Variants in PARD3B observed in about 807,000 individuals in gnomAD.
PARD3B encodes par-3 family cell polarity regulator beta.
A neutral mutation model predicts 130.2 loss-of-function variants in PARD3B; 103 were observed. The ratio of observed to expected loss-of-function variants is 0.79; its 90% CI spans 0.67 to 0.93. The LOEUF (loss-of-function observed/expected upper bound fraction) is 0.93, where lower values mean the gene tolerates loss of function less well. Among genes scored for constraint, PARD3B ranks in the 40% least tolerant of loss-of-function variants. The pLI is 0.00. For missense variants in PARD3B, 1,609 were observed against 1,499.2 expected (o/e 1.07, Z -1.21); for synonymous variants, 583 against 553.2 (o/e 1.05, Z -0.76).
At chr2:205,403,898 T>C (rs1279728591) in intron 19 of PARD3B, among the ~76,000 whole-genome samples, 4 of 152,216 alleles carry the variant, frequency 2.6e-5, no homozygotes, top group Admixed American at 6.5e-5. Context: ...AAATATCTTT[T>C]CTTACTGGTA....
In PARD3B at chr2:205,537,892, G is replaced by A. The variant is rs2051935436; in HGVS notation, c.3181-15432G>A. 2.0e-5 allele frequency among the ~76,000 whole-genome samples: 3 copies of A among 152,196 alleles called. 1 individual carries two copies. The South Asian group carries it at 6.2e-4, about 31-fold the overall frequency. On this transcript the variant is annotated intron_variant, in intron 21 of 22. Transcript: ENST00000406610. ...AGAATTAATGTTGCCACATGAATTA[G>A]AGCATTGCATTCAGTTGCTAATAGC...
chr2:204,748,758 T>A (rs959433861), intron 2 of PARD3B, among the ~76,000 whole-genome samples: 1 of 152,276 alleles, frequency 6.6e-6, no homozygotes, highest in African/African-American at 2.4e-5. Context: ...TGAGAACCAC[T>A]GCTGTACAAA....
At position 204,882,206 on chromosome 2, in the gene PARD3B, A is replaced by T. The variant is rs559037625; in HGVS notation, c.223-82946A>T. On this transcript the variant is annotated intron_variant, in intron 2 of 22. Transcript: ENST00000406610. ...AAAAGCAATTTTCTAAATTCCCCAT[A>T]TTTAAAAATCTGTACCATTTCTCTG... 5.9e-5 allele frequency among the ~76,000 whole-genome samples: 9 copies of T among 152,322 alleles called. No individual in the cohort carries two copies. In the South Asian group the frequency reaches 1.9e-3, roughly 32 times the overall value.
chr2:204,592,356 T>C (rs2033113604), intron 1 of PARD3B, among the ~76,000 whole-genome samples: 1 of 152,194 alleles, frequency 6.6e-6, no homozygotes, highest in African/African-American at 2.4e-5. Context: ...TGTAAAGAGA[T>C]TATTTTGGTA....
chr2:205,533,181 G>A (rs2051680242), intron 21 of PARD3B, among the ~76,000 whole-genome samples: 1 of 151,406 alleles, frequency 6.6e-6, no homozygotes, highest in Non-Finnish European at 1.5e-5. Context: ...TCTTTAAGAT[G>A]TGGATGTTTT....
At chr2:205,157,253 G>C (rs1426938768) in intron 10 of PARD3B, among the ~76,000 whole-genome samples, 1 of 152,168 alleles carries the variant, frequency 6.6e-6, no homozygotes, top group African/African-American at 2.4e-5. Context: ...AAGGCTAATA[G>C]TTTACATTTA....
chr2:205,045,084 T>A (rs1042504940), intron 3 of PARD3B, among the ~76,000 whole-genome samples: 1 of 151,170 alleles, frequency 6.6e-6, no homozygotes, highest in Non-Finnish European at 1.5e-5. Flanking sequence ...ATTCCTGATA[T>A]GTTTAAGAAA....
At chr2:205,188,746 G>T (rs1486243480) in intron 14 of PARD3B, among the ~76,000 whole-genome samples, 1 of 146,516 alleles carries the variant, frequency 6.8e-6, no homozygotes. Flanking sequence ...GGAGCCAGGA[G>T]GATTGAGCAA....
chr2:204,598,386 A>C (rs1002904232), intron 1 of PARD3B, among the ~76,000 whole-genome samples: 7 of 152,130 alleles, frequency 4.6e-5, no homozygotes, highest in Admixed American at 1.3e-4. Flanking sequence ...TATCCTTTAG[A>C]ACTCAAGACT....
Position 205,568,743 on chromosome 2 carries a change from G to T in PARD3B, c.3260+15340G>T, listed in dbSNP as rs577512674. On this transcript the variant is annotated intron_variant, in intron 22 of 22. Transcript: ENST00000406610. The surrounding 1 kb of genome is among the most constrained non-coding windows in gnomAD (Gnocchi z 5.3). The stretch of plus-strand genomic sequence containing the variant: ...ACTCAGGGATTCGTCAGATGGCCCT[G>T]GTCGTGTGTCTTCCATGGTCTCCAC... Among the ~76,000 whole-genome samples, 1 of 152,268 alleles carries T rather than the reference G, an allele frequency of 6.6e-6. No individual in the cohort carries two copies. Among genetic ancestry groups the T allele is most frequent in the Non-Finnish European group, 1.5e-5 (1 of 68,022 alleles).
chr2:204,814,418 TA>T lies in PARD3B; in HGVS notation c.222+128139del, dbSNP rs545119090. On this transcript the variant is annotated intron_variant, in intron 2 of 22. Coordinates refer to ENST00000406610, the MANE Select transcript of PARD3B (RefSeq NM_001302769.2). ...ACAAAAACTCTTATAATCTATAACA[TA>T]AACTGTAGGATATATATTAAAATGT... is the stretch of plus-strand genomic sequence containing the variant. 4.3e-3 allele frequency among the ~76,000 whole-genome samples: 655 copies of T among 151,900 alleles called. 4 individuals are homozygous for T. Among genetic ancestry groups the T allele is most frequent in the African/African-American group, 0.015 (627 of 41,532 alleles).
intron 4 of PARD3B, among the ~76,000 whole-genome samples, chr2:205,104,068 G>A (rs1192615749): frequency 6.6e-6 from 1 of 152,094 alleles, no homozygotes; most frequent in Non-Finnish European, 1.5e-5. Context: ...GTACCTTAAG[G>A]CTAATATATC....
In PARD3B at chr2:204,740,447, G is replaced by T. The variant is rs115859350; in HGVS notation, c.222+54165G>T. On this transcript the variant is annotated intron_variant, in intron 2 of 22. Transcript: ENST00000406610. ...TTTCTGTAAACAAGCCAGCTTAGCC[G>T]CAGTAGTATAAAACAAAAACTGTTT... 4.0e-4 allele frequency among the ~76,000 whole-genome samples: 61 copies of T among 152,258 alleles called. 1 individual carries two copies. The highest frequency in any genetic ancestry group is 1.4e-3 in the African/African-American group (58 of 41,548).
intron 2 of PARD3B, among the ~76,000 whole-genome samples, chr2:204,711,763 G>T (rs761347153): frequency 6.6e-6 from 1 of 152,038 alleles, no homozygotes; most frequent in Non-Finnish European, 1.5e-5. Context: ...GACCAGGCTG[G>T]TCTCGAACTC....
chr2:204,959,163 G>A (rs1480048611), intron 2 of PARD3B, among the ~76,000 whole-genome samples: 1 of 152,048 alleles, frequency 6.6e-6, no homozygotes, highest in Non-Finnish European at 1.5e-5. Flanking sequence ...GGTGTGTGAT[G>A]TTCCCCTCAC....
chr2:204,778,973 C>T (rs370893906), intron 2 of PARD3B, among the ~76,000 whole-genome samples: 5 of 152,074 alleles, frequency 3.3e-5, no homozygotes, highest in Non-Finnish European at 4.4e-5. Context: ...CACTGCCTGC[C>T]GCCTCAGCCT....
chr2:205,359,158 T>G (rs1414309600), intron 18 of PARD3B, among the ~76,000 whole-genome samples: 1 of 152,228 alleles, frequency 6.6e-6, no homozygotes, highest in Non-Finnish European at 1.5e-5. Context: ...AAGGTTTCCA[T>G]CGCTTTAACT....
chr2:204,953,325 G>C (rs553802334), intron 2 of PARD3B, among the ~76,000 whole-genome samples: 1 of 151,846 alleles, frequency 6.6e-6, no homozygotes, highest in South Asian at 2.1e-4. Context: ...ATTAGGGAAA[G>C]TTGCTCATAA....
intron 15 of PARD3B, among the ~76,000 whole-genome samples, chr2:205,227,215 A>G (rs2038602903): frequency 6.6e-6 from 1 of 152,136 alleles, no homozygotes; most frequent in Non-Finnish European, 1.5e-5. Context: ...TAATAGTGAG[A>G]TTAAATCTGA....
Sources: gnomAD v4.1 joint callset for allele counts (sites outside exome capture counted in the v4.1 genomes callset) on GRCh38, gnomAD v4.1.1 for gene constraint, Gnocchi (gnomAD v3.1) non-coding constraint, MANE v1.5 for transcripts, NCBI Gene and HGNC (gene_info 2026-07-23, HGNC 2026-07-21) for gene names.